PVT1: variants seen among roughly 807,000 people sequenced by gnomAD.
PVT1 encodes the protein CXCR4/PVT1 fusion.
intron 4 of PVT1, among the ~76,000 whole-genome samples, chr8:127,994,905 C>T (rs1817088033): frequency 6.6e-6 from 1 of 152,190 alleles, no homozygotes; most frequent in Non-Finnish European, 1.5e-5. Context: ...TTGAATGAGG[C>T]CCAACCCACA....
Position 127,804,134 on chromosome 8 carries a change from C to T in PVT1, n.372+8063C>T, listed in dbSNP as rs555868586. 7.2e-5 allele frequency among the ~76,000 whole-genome samples: 11 copies of T among 152,160 alleles called. No individual in the cohort carries two copies. In the South Asian group the frequency reaches 1.9e-3, roughly 26 times the overall value. On this transcript the variant is annotated intron_variant and non_coding_transcript_variant, in intron 2 of 10. Transcript: ENST00000651587. ...GGGAGGCTGAGGCAGGAAGCTTGCT[C>T]GAACCCAGAAGTTTGAGGCTGCAGT...
At chr8:128,018,156 A>G (rs1292552696) in intron 4 of PVT1, among the ~76,000 whole-genome samples, 1 of 152,226 alleles carries the variant, frequency 6.6e-6, no homozygotes, top group African/African-American at 2.4e-5. Context: ...CCATGTAAAC[A>G]TGAAAATAAG....
intron 4 of PVT1, among the ~76,000 whole-genome samples, chr8:128,041,360 G>A (rs899313079): frequency 4.6e-5 from 7 of 150,558 alleles, no homozygotes; most frequent in African/African-American, 1.7e-4. Context: ...TTGTGCTCAT[G>A]TGTTGTTTGT....
Position 127,993,119 on chromosome 8 carries a change from G to A in PVT1, n.912+3828G>A, listed in dbSNP as rs532599828. Among the ~76,000 whole-genome samples the A allele has an allele frequency of 6.6e-5, 10 of 152,336 alleles. No homozygotes were observed. The East Asian group carries it at 1.9e-3, about 29-fold the overall frequency. On this transcript the variant is annotated intron_variant and non_coding_transcript_variant, in intron 4 of 10. Transcript: ENST00000651587. ...CTGAGGTTTTTGGTGCATTGCAATTGCCCTGGAGTTTATTTTTAGTAATAA... is the reference window on the plus strand; with the variant it reads ...CTGAGGTTTTTGGTGCATTGCAATTACCCTGGAGTTTATTTTTAGTAATAA...
At chr8:128,051,786 C>CT (rs55792253) in intron 4 of PVT1, among the ~76,000 whole-genome samples, 8,019 of 152,000 alleles carry the variant, frequency 0.053, 298 homozygotes, top group African/African-American at 0.097. Flanking sequence ...CTGTTTGGGT[C>CT]TTTTTTTATG....
intron 2 of PVT1, among the ~76,000 whole-genome samples, chr8:127,889,657 T>G (rs74896339): frequency 2.0e-5 from 3 of 152,168 alleles, no homozygotes. Context: ...ACTAGGTAAC[T>G]TAGAGCGGCG....
intron 2 of PVT1, among the ~76,000 whole-genome samples, chr8:127,829,993 C>G (rs1814832747): frequency 6.6e-6 from 1 of 152,198 alleles, no homozygotes; most frequent in Non-Finnish European, 1.5e-5. Flanking sequence ...GCCTTCTTCC[C>G]TCTGTGTGTC....
At chr8:128,019,112 C>T (rs1324876546) in intron 4 of PVT1, among the ~76,000 whole-genome samples, 1 of 152,204 alleles carries the variant, frequency 6.6e-6, no homozygotes, top group Non-Finnish European at 1.5e-5. Flanking sequence ...CAGAGAACGT[C>T]AGAGCCACTG....
At chr8:127,812,244 AAGGCAGGAAGGCAGGAAGGC>A (rs1814604553) in intron 2 of PVT1, among the ~76,000 whole-genome samples, 2 of 121,522 alleles carry the variant, frequency 1.6e-5, no homozygotes, top group Admixed American at 7.6e-5. Flanking sequence ...GGAAGGAAGG[AAGGCAGGAAGGCAGGAAGGC>A]AGGAAGGAAG....
At chr8:127,887,701 AT>A (rs1244745828) in intron 2 of PVT1, among the ~76,000 whole-genome samples, 1 of 151,834 alleles carries the variant, frequency 6.6e-6, no homozygotes, top group Non-Finnish European at 1.5e-5. Context: ...AATTGTTTGT[AT>A]TTTTAGTAGA....
intron 4 of PVT1, chr8:127,999,297 A>C (rs1817147314): frequency 1.3e-5 from 2 of 152,172 alleles, no homozygotes; most frequent in African/African-American, 4.8e-5. Flanking sequence ...TTTCCCTGTA[A>C]AAATTTTTAA....
intron 4 of PVT1, among the ~76,000 whole-genome samples, chr8:128,010,838 ACAAGTT>A (rs1308960884): frequency 1.3e-5 from 2 of 152,178 alleles, no homozygotes; most frequent in African/African-American, 4.8e-5. Flanking sequence ...ACAGCAGAAA[ACAAGTT>A]AAAGTTCCCC....
intron 3 of PVT1, among the ~76,000 whole-genome samples, chr8:127,896,194 TA>T (rs1258791393): frequency 2.0e-5 from 3 of 152,180 alleles, no homozygotes; most frequent in Admixed American, 6.5e-5. Flanking sequence ...ACTGAGGGCT[TA>T]CTATGTCCTA....
intron 2 of PVT1, among the ~76,000 whole-genome samples, chr8:127,838,676 A>T (rs567944413): frequency 9.9e-5 from 15 of 152,200 alleles, no homozygotes; most frequent in African/African-American, 3.6e-4. Context: ...CTGGACTCCA[A>T]CCTGGTCAAC....
chr8:128,061,427 G>C (rs551307625), intron 4 of PVT1, among the ~76,000 whole-genome samples: 4 of 152,150 alleles, frequency 2.6e-5, no homozygotes, highest in Admixed American at 1.3e-4. Context: ...TGTTTCTTTG[G>C]GGGTGGGGCT....
At chr8:127,886,037 C>T (rs555890351) in intron 2 of PVT1, among the ~76,000 whole-genome samples, 1 of 152,092 alleles carries the variant, frequency 6.6e-6, no homozygotes, top group Non-Finnish European at 1.5e-5. Context: ...GTGGAAGTTG[C>T]AGTGAGCTGA....
chr8:128,054,552 A>G (rs1245861364), intron 4 of PVT1, among the ~76,000 whole-genome samples: 2 of 152,092 alleles, frequency 1.3e-5, no homozygotes, highest in South Asian at 2.1e-4. Context: ...GCACCTGTTG[A>G]TTGAAACACT....
At chr8:128,028,202 G>A (rs1185456675) in intron 4 of PVT1, among the ~76,000 whole-genome samples, 2 of 152,268 alleles carry the variant, frequency 1.3e-5, no homozygotes, top group African/African-American at 2.4e-5. Context: ...GCCCGAGCGC[G>A]CAAGGCAGGG....
chr8:127,974,169 G>A (rs534349948), intron 3 of PVT1, among the ~76,000 whole-genome samples: 2 of 152,176 alleles, frequency 1.3e-5, no homozygotes, highest in African/African-American at 2.4e-5. Flanking sequence ...GAGATGATCA[G>A]ATACTGCCGG....
Sources: gnomAD v4.1 joint callset for allele counts (sites outside exome capture counted in the v4.1 genomes callset) on GRCh38, gnomAD v4.1.1 for gene constraint, MANE v1.5 for transcripts, NCBI Gene and HGNC (gene_info 2026-07-23, HGNC 2026-07-21) for gene names.